Variants in TECTA observed in about 807,000 individuals in gnomAD.
TECTA encodes alpha-tectorin.
In TECTA, 128 loss-of-function variants were observed where a neutral mutation model predicts 216.8. That is an observed-to-expected ratio of 0.59 (90% CI 0.51 to 0.68). The LOEUF is 0.68. Ranked by LOEUF, TECTA falls within the 30% of genes least tolerant of loss-of-function variation. The pLI is 0.00. For synonymous variants in TECTA, 1,089 were observed against 1,117.1 expected (o/e 0.97, Z 0.50); for missense variants, 2,551 against 2,786.2 (o/e 0.92, Z 1.90).
At chr11:121,140,378 G>A (rs972509372) in intron 11 of TECTA, among the ~76,000 whole-genome samples, 2 of 152,250 alleles carry the variant, frequency 1.3e-5, no homozygotes, top group South Asian at 2.1e-4. Flanking sequence ...CCCCCAGTGG[G>A]TTAGCTCTCC....
At position 121,157,961 on chromosome 11, in the gene TECTA, G is replaced by C; in HGVS notation, c.4426G>C (p.Val1476Leu). The change falls in exon 14 of 24, where the codon GTG (valine) becomes CTG (leucine). Residue 1476 changes from valine to leucine, a missense_variant. By Grantham distance (32) the Val-to-Leu change is conservative. Around this residue, in one of 3 missense-constraint regions of TECTA, gnomAD observed 2,375 missense variants for 2,563.9 expected, o/e 0.93. Coordinates refer to ENST00000392793, the MANE Select transcript of TECTA (RefSeq NM_005422.4). ...CGAGGAGTGTGCGCTGCGCAACGGGGTGCGCGGCTGCTTCAGCACCAAGAC... is the reference window on the plus strand; with the variant it reads ...CGAGGAGTGTGCGCTGCGCAACGGGCTGCGCGGCTGCTTCAGCACCAAGAC... ...SDEECALRNG[V>L]RGCFSTKTSY... 2 of 1,613,722 alleles carry C rather than the reference G, an allele frequency of 1.2e-6. No homozygotes were observed. Among genetic ancestry groups the C allele is most frequent in the South Asian group, 2.2e-5 (2 of 91,082 alleles).
At chr11:121,141,610 A>G (rs1946784891) in intron 11 of TECTA, among the ~76,000 whole-genome samples, 1 of 152,008 alleles carries the variant, frequency 6.6e-6, no homozygotes. Flanking sequence ...TCCTGCCCCC[A>G]CCCTCAGGCT....
chr11:121,119,668 A>G (rs911420085), intron 7 of TECTA, among the ~76,000 whole-genome samples: 5 of 152,228 alleles, frequency 3.3e-5, no homozygotes, highest in African/African-American at 1.2e-4. Context: ...AGAGATTACA[A>G]ACCAGAACTG....
In TECTA at chr11:121,132,033, A is replaced by C. The variant is rs538517621; in HGVS notation, c.2941+1822A>C. Among the ~76,000 whole-genome samples, 3 of 152,322 alleles carry C rather than the reference A, an allele frequency of 2.0e-5. No individual in the cohort carries two copies. The South Asian group carries it at 6.2e-4, about 32-fold the overall frequency. Reference sequence around the variant, plus strand: ...ATAATTAATACATATTTTTCAGGGAAATACTTTAAATTTAGGTAGCTATTC... The same window carrying C: ...ATAATTAATACATATTTTTCAGGGACATACTTTAAATTTAGGTAGCTATTC... On this transcript the variant is annotated intron_variant, in intron 10 of 23. Transcript: ENST00000392793.
chr11:121,116,063 C>T (rs1946498518), intron 6 of TECTA, among the ~76,000 whole-genome samples: 1 of 152,316 alleles, frequency 6.6e-6, no homozygotes, highest in African/African-American at 2.4e-5. Context: ...TAAGGTAGGT[C>T]ATGTGTGAAG....
In TECTA at chr11:121,128,041, G is replaced by A. The variant is rs375140632; in HGVS notation, c.2064G>A (p.Lys688=). 88 of 1,612,778 alleles carry A rather than the reference G, an allele frequency of 5.5e-5. No individual in the cohort carries two copies. The highest frequency in any genetic ancestry group is 6.9e-5 in the Non-Finnish European group (81 of 1,179,494). The change falls in exon 9 of 24, where the codon AAG becomes AAA. Residue 688 remains lysine (K), a synonymous_variant. Transcript: ENST00000392793. ...GCGGGGACGTCTACTGCTTCAACAA[G>A]ACCTGCGGCAGCGGGGAGGTGTGCG... ...EEGGDVYCFN[K]TCGSGEVCAV...
At chr11:121,107,502 C>A (rs950916670) in intron 3 of TECTA, among the ~76,000 whole-genome samples, 21 of 152,156 alleles carry the variant, frequency 1.4e-4, no homozygotes, top group African/African-American at 5.1e-4. Flanking sequence ...TTGGTCCAGG[C>A]CTTGATAACT....
At chr11:121,190,662 A>G in intron 23 of TECTA, 44 bp from the exon 24 acceptor site, 5 of 1,451,124 alleles carry the variant, frequency 3.4e-6, no homozygotes, top group Non-Finnish European at 4.8e-6. Flanking sequence ...TCAAACAGGT[A>G]TTTTTCCCCC....
chr11:121,156,339 GTTA>G (rs553311995), intron 13 of TECTA, among the ~76,000 whole-genome samples: 5 of 151,032 alleles, frequency 3.3e-5, no homozygotes, highest in Non-Finnish European at 7.4e-5. Context: ...CATGCTGGTT[GTTA>G]TTATTATTAT....
Position 121,168,113 on chromosome 11 carries a change from T to G in TECTA, c.5646T>G (p.Thr1882=). The change falls in exon 19 of 24, where the codon ACT becomes ACG. Residue 1882 remains threonine, a synonymous_variant. Coordinates refer to ENST00000392793, the MANE Select transcript of TECTA (RefSeq NM_005422.4). ...NTLWIESANN[T]GNIITRDRTI... The stretch of plus-strand genomic sequence containing the variant: ...TCTGGATCGAAAGCGCCAACAACAC[T>G]GGCAACATCATCACCAGGGACCGCA... The G allele has an allele frequency of 2.5e-6, 4 of 1,614,176 alleles. No homozygotes were observed. Among genetic ancestry groups the G allele is most frequent in the South Asian group, 1.1e-5 (1 of 91,080 alleles).
intron 12 of TECTA, 119 bp downstream of exon 12, chr11:121,146,235 A>C: frequency 8.3e-7 from 1 of 1,209,224 alleles, no homozygotes; most frequent in Admixed American, 2.0e-5. Flanking sequence ...AAGGATATGC[A>C]CTTTGGAACT....
chr11:121,125,760 G>C lies in TECTA; in HGVS notation c.1662G>C (p.Leu554=). The change falls in exon 8 of 24, where the codon CTG becomes CTC. Residue 554 remains leucine, a synonymous_variant. Transcript: ENST00000392793. ...TTGTGCACAGCTGCGTGTATGACCT[G>C]TGCAGTGTGAGGGACAATGGCACGC... is the stretch of plus-strand genomic sequence containing the variant. ...TAFVHSCVYD[L]CSVRDNGTLL... 6.2e-7 allele frequency: 1 copy of C among 1,614,204 alleles called. No individual in the cohort carries two copies. The highest frequency in any genetic ancestry group is 1.1e-5 in the South Asian group (1 of 91,086).
chr11:121,131,440 T>G (rs77886321), intron 10 of TECTA, among the ~76,000 whole-genome samples: 2,209 of 152,290 alleles, frequency 0.015, 58 homozygotes, highest in African/African-American at 0.05. Flanking sequence ...TCTAAACCAC[T>G]TGAGAGTAAG....
At chr11:121,140,208 G>A (rs1020526434) in intron 11 of TECTA, among the ~76,000 whole-genome samples, 6 of 152,210 alleles carry the variant, frequency 3.9e-5, no homozygotes, top group African/African-American at 1.4e-4. Flanking sequence ...GGCTACGCAT[G>A]TTGGTTTCAG....
rs932753236 is a variant in TECTA at position 121,191,440 on chromosome 11, A to G, written c.*634A>G. ...TTCTCTTTTTACAAATCAACCAAAT[A>G]CTTTTTAATGTGTTTTATCCTTAAA... On this transcript the variant is annotated 3_prime_UTR_variant, in exon 24 of 24. Coordinates refer to ENST00000392793, the MANE Select transcript of TECTA (RefSeq NM_005422.4). The G allele has an allele frequency of 2.6e-5, 4 of 155,978 alleles. No individual in the cohort carries two copies. Among genetic ancestry groups the G allele is most frequent in the Non-Finnish European group, 5.7e-5 (4 of 70,286 alleles). The allele number at this position is 155,978 out of a possible 1,614,324, so 9.7% of individuals were successfully genotyped here.
chr11:121,130,997 G>A (rs950403074), intron 10 of TECTA, among the ~76,000 whole-genome samples: 3 of 149,228 alleles, frequency 2.0e-5, no homozygotes, highest in African/African-American at 5.2e-5. Context: ...GGTGGATCAC[G>A]AGGTCAGGAG....
At chr11:121,186,085 C>T (rs7950879) in intron 20 of TECTA, among the ~76,000 whole-genome samples, 2 of 93,804 alleles carry the variant, frequency 2.1e-5, no homozygotes, top group Non-Finnish European at 4.0e-5. Flanking sequence ...AGCAGATGTT[C>T]AATGCTTAAT....
chr11:121,183,166 G>T (rs192719431), intron 20 of TECTA, among the ~76,000 whole-genome samples: 154 of 152,254 alleles, frequency 1.0e-3, no homozygotes, highest in African/African-American at 3.3e-3. Flanking sequence ...TTGTGAACCT[G>T]CATCCTTTTA....
At chr11:121,112,931 A>G in intron 4 of TECTA, 141 bp from the exon 5 acceptor site, 1 of 949,412 alleles carries the variant, frequency 1.1e-6, no homozygotes, top group Non-Finnish European at 1.6e-6. Flanking sequence ...TTCAGAGAGG[A>G]GTCAGAGCTG....
Sources: allele counts gnomAD v4.1 joint callset (sites outside exome capture counted in the v4.1 genomes callset), GRCh38; gene constraint gnomAD v4.1.1; regional missense constraint gnomAD v4.1.1; transcripts MANE v1.5; gene names NCBI Gene and HGNC (gene_info 2026-07-23, HGNC 2026-07-21).